The following ZNF708 variants were observed in gnomAD, a reference collection of about 807,000 sequenced individuals.
ZNF708 encodes the protein zinc finger protein 708.
A neutral mutation model predicts 47.0 loss-of-function variants in ZNF708; 44 were observed. The ratio of observed to expected loss-of-function variants is 0.94; its 90% confidence interval spans 0.74 to 1.20. The LOEUF is 1.20. Ranked by LOEUF, ZNF708 falls within the 50% of genes most tolerant of loss-of-function variation. ZNF708 has a pLI of 0.00. For missense variants in ZNF708, 557 were observed against 656.0 expected (o/e 0.85, Z 1.65); for synonymous variants, 184 against 218.5 (o/e 0.84, Z 1.39).
intron 3 of ZNF708, 129 bp from the exon 4 acceptor site, chr19:21,294,868 A>T: frequency 5.4e-6 from 5 of 919,800 alleles, no homozygotes; most frequent in Non-Finnish European, 7.7e-6. Flanking sequence ...TCCTTTATAG[A>T]CATATAAATG....
At chr19:21,303,962 A>G (rs1018278090) in intron 3 of ZNF708, among the ~76,000 whole-genome samples, 3 of 152,192 alleles carry the variant, frequency 2.0e-5, no homozygotes, top group African/African-American at 4.8e-5. Flanking sequence ...ACTTAGCAAC[A>G]TAATAACTGT....
At chr19:21,319,534 A>G (rs1973084790) in intron 1 of ZNF708, among the ~76,000 whole-genome samples, 1 of 151,494 alleles carries the variant, frequency 6.6e-6, no homozygotes, top group Non-Finnish European at 1.5e-5. Flanking sequence ...TCTCACTGCA[A>G]CCTCTGCCTT....
rs75175775 is a variant in ZNF708 at position 21,329,399 on chromosome 19, G to A, written c.-187C>T. On this transcript the variant is annotated 5_prime_UTR_variant, in exon 1 of 4. Coordinates refer to ENST00000356929, the MANE Select transcript of ZNF708 (RefSeq NM_021269.3). ...GGAAGCCGCCCTGTCCGGTCCAGCT[G>A]CGTGTCTGAGTGAACTGTCCCCAGC... is the stretch of plus-strand genomic sequence containing the variant. 1,021 of 812,682 alleles carry A rather than the reference G, an allele frequency of 1.3e-3. 20 individuals are homozygous for A. The East Asian group carries it at 0.023, about 18-fold the overall frequency. The allele number at this position is 812,682 out of a possible 1,614,324, so 50.3% of individuals were successfully genotyped here.
At position 21,310,538 on chromosome 19, in the gene ZNF708, A is replaced by T. The variant is rs781739524; in HGVS notation, c.93T>A (p.Asn31Lys). 25 of 1,477,174 alleles carry T rather than the reference A, an allele frequency of 1.7e-5. No homozygotes were observed. Among genetic ancestry groups the T allele is most frequent in the Non-Finnish European group, 2.3e-5 (25 of 1,109,452 alleles). 91.5% of individuals were successfully genotyped at this position (1,477,174 alleles called of 1,614,324 possible). A position where few individuals can be genotyped will look rare whatever the true frequency, so the allele number is the denominator to read the frequency against. ...LDTAQQNLYR[N>K]VMLENYRNLV... ...GGTTTCTATAATTCTCTAACATGAC[A>T]TTCCTATATAAATTCTGCTGTGCTG... is the stretch of plus-strand genomic sequence containing the variant. The change falls in exon 2 of 4, where the codon AAT (asparagine) becomes AAA (lysine). Residue 31 changes from asparagine (N) to lysine (K), a missense_variant. Asn to Lys is a moderately conservative substitution (Grantham distance 94). Coordinates refer to ENST00000356929, the MANE Select transcript of ZNF708 (RefSeq NM_021269.3).
chr19:21,324,248 AAAATAAACTT>A (rs1295883618), intron 1 of ZNF708, among the ~76,000 whole-genome samples: 2 of 150,420 alleles, frequency 1.3e-5, no homozygotes, highest in Non-Finnish European at 3.0e-5. Context: ...GTCTCAAAAA[AAAATAAACTT>A]AAGTGTTTAA....
At chr19:21,308,941 A>T (rs921958238) in intron 3 of ZNF708, among the ~76,000 whole-genome samples, 1 of 152,106 alleles carries the variant, frequency 6.6e-6, no homozygotes, top group Admixed American at 6.5e-5. Flanking sequence ...TCTCAAAATT[A>T]TGCAGATATT....
Position 21,329,223 on chromosome 19 carries a change from C to T in ZNF708, c.-11G>A, listed in dbSNP as rs1973326115. On this transcript the variant is annotated 5_prime_UTR_variant, in exon 1 of 4. Transcript: ENST00000356929. ...CGGCACTCTCACCATTTCTAGGCTT[C>T]CAGAGGGTCCTGGAGTCTTAGCTGT... 1 of 1,611,632 alleles carries T rather than the reference C, an allele frequency of 6.2e-7. No homozygotes were observed. The highest frequency in any genetic ancestry group is 1.1e-5 in the South Asian group (1 of 91,080).
chr19:21,323,765 C>T (rs1210878721), intron 1 of ZNF708, among the ~76,000 whole-genome samples: 1 of 152,164 alleles, frequency 6.6e-6, no homozygotes, highest in East Asian at 1.9e-4. Context: ...TAGCTTCTCC[C>T]AGGATAAAGA....
intron 3 of ZNF708, among the ~76,000 whole-genome samples, chr19:21,306,204 A>T (rs976868449): frequency 2.6e-5 from 4 of 152,006 alleles, no homozygotes; most frequent in East Asian, 1.9e-4. Flanking sequence ...GAGCAACAAC[A>T]ACAACAACAA....
intron 3 of ZNF708, among the ~76,000 whole-genome samples, chr19:21,305,324 C>A (rs1972738014): frequency 6.6e-6 from 1 of 151,376 alleles, no homozygotes; most frequent in Non-Finnish European, 1.5e-5. Flanking sequence ...TCAACATATT[C>A]TTGCTCCAGG....
rs774890894 is a variant in ZNF708 at position 21,291,710 on chromosome 19, C to T, written c.*1564G>A. 6.6e-6 allele frequency: 1 copy of T among 152,000 alleles called. No individual in the cohort carries two copies. Among genetic ancestry groups the T allele is most frequent in the Admixed American group, 6.6e-5 (1 of 15,248 alleles). 9.4% of individuals were successfully genotyped at this position (152,000 alleles called of 1,614,324 possible). A position where few individuals can be genotyped will look rare whatever the true frequency, so the allele number is the denominator to read the frequency against. ...TGAAACCCCGTCCCTACTAAAAATA[C>T]AAAAGTCAGCCGGACGTGGTGGTGT... On this transcript the variant is annotated 3_prime_UTR_variant, in exon 4 of 4. Coordinates refer to ENST00000356929, the MANE Select transcript of ZNF708 (RefSeq NM_021269.3).
intron 1 of ZNF708, among the ~76,000 whole-genome samples, chr19:21,326,080 CGTG>C (rs922295691): frequency 1.3e-5 from 2 of 152,090 alleles, no homozygotes; most frequent in African/African-American, 4.8e-5. Context: ...TTGGCATGGA[CGTG>C]GTGAACAGGG....
intron 1 of ZNF708, chr19:21,318,029 T>C (rs370699371): frequency 2.6e-5 from 4 of 152,304 alleles, no homozygotes; most frequent in East Asian, 3.9e-4. Context: ...ATGGCTAGTG[T>C]CCTCTCTTGA....
rs988799095 is a variant in ZNF708 at position 21,291,370 on chromosome 19, T to C, written c.*1904A>G. On this transcript the variant is annotated 3_prime_UTR_variant, in exon 4 of 4. Coordinates refer to ENST00000356929, the MANE Select transcript of ZNF708 (RefSeq NM_021269.3). ...TTTCATCATGCATGTTACATTTTAATGTCCTTACTCTTCCAAAGAAAAGGT... is the reference window on the plus strand; with the variant it reads ...TTTCATCATGCATGTTACATTTTAACGTCCTTACTCTTCCAAAGAAAAGGT... The C allele has an allele frequency of 1.3e-5, 2 of 152,096 alleles. No homozygotes were observed. The highest frequency in any genetic ancestry group is 1.5e-5 in the Non-Finnish European group (1 of 68,032). The allele number at this position is 152,096 out of a possible 1,614,324, so 9.4% of individuals were successfully genotyped here.
intron 3 of ZNF708, among the ~76,000 whole-genome samples, chr19:21,297,855 G>A (rs774887534): frequency 1.4e-4 from 21 of 151,876 alleles, no homozygotes; most frequent in Non-Finnish European, 2.6e-4. Flanking sequence ...TACATCTTAA[G>A]TCAAAAAGTG....
chr19:21,317,256 G>A lies in ZNF708; in HGVS notation c.4-6629C>T, dbSNP rs768108869. Among the ~76,000 whole-genome samples, 35 of 152,030 alleles carry A rather than the reference G, an allele frequency of 2.3e-4. 1 individual carries two copies. Among genetic ancestry groups the A allele is most frequent in the Non-Finnish European group, 5.9e-5 (4 of 68,010 alleles). ...GATCATGCCACTGCACTCCAGCCTG[G>A]GCAATGCAGTGAGACTCCATCTCAA... On this transcript the variant is annotated intron_variant, in intron 1 of 3. Coordinates refer to ENST00000356929, the MANE Select transcript of ZNF708 (RefSeq NM_021269.3).
intron 1 of ZNF708, among the ~76,000 whole-genome samples, chr19:21,319,688 C>T (rs1973088784): frequency 6.6e-6 from 1 of 151,904 alleles, no homozygotes; most frequent in African/African-American, 2.4e-5. Context: ...ATACATGTGG[C>T]TAACAAGCAT....
At chr19:21,320,769 A>G (rs1381734018) in intron 1 of ZNF708, among the ~76,000 whole-genome samples, 1 of 890 alleles carries the variant, frequency 1.1e-3, no homozygotes, top group East Asian at 3.1e-3. Context: ...TCTGGCCATT[A>G]AAAAAAAAAA....
At chr19:21,329,122 G>A (rs1377137497) in intron 1 of ZNF708, 88 bp downstream of exon 1, 4 of 1,565,632 alleles carry the variant, frequency 2.6e-6, no homozygotes, top group East Asian at 2.3e-5. Flanking sequence ...GGAGATGACT[G>A]CGGGGAGTCC....
Sources: allele counts gnomAD v4.1 joint callset (sites outside exome capture counted in the v4.1 genomes callset), GRCh38; gene constraint gnomAD v4.1.1; transcripts MANE v1.5; gene names NCBI Gene and HGNC (gene_info 2026-07-23, HGNC 2026-07-21).